HS3ST4: variants seen among roughly 807,000 people sequenced by gnomAD.
HS3ST4 encodes the protein heparan sulfate-glucosamine 3-sulfotransferase 4.
A neutral mutation model predicts 29.2 loss-of-function variants in HS3ST4; 17 were observed. The ratio of observed to expected loss-of-function variants is 0.58; its 90% CI spans 0.40 to 0.87. The LOEUF (loss-of-function observed/expected upper bound fraction) is 0.87. HS3ST4 is among the 40% of genes least tolerant of loss of function. The pLI is 0.00. For synonymous variants in HS3ST4, 314 were observed against 285.7 expected (o/e 1.10, Z -1.00); for missense variants, 627 against 634.5 (o/e 0.99, Z 0.13).
At chr16:26,073,411 G>C (rs894585665) in intron 1 of HS3ST4, among the ~76,000 whole-genome samples, 1 of 151,928 alleles carries the variant, frequency 6.6e-6, no homozygotes, top group Non-Finnish European at 1.5e-5. Context: ...GTCTCACTCT[G>C]TTACCCAGGC....
At chr16:25,933,959 A>G (rs964466023) in intron 1 of HS3ST4, among the ~76,000 whole-genome samples, 1 of 152,196 alleles carries the variant, frequency 6.6e-6, no homozygotes, top group Non-Finnish European at 1.5e-5. Flanking sequence ...GCATGTGAAC[A>G]TGAGATTTGG....
At chr16:25,856,729 G>A (rs1567256639) in intron 1 of HS3ST4, among the ~76,000 whole-genome samples, 1 of 152,316 alleles carries the variant, frequency 6.6e-6, no homozygotes, top group Non-Finnish European at 1.5e-5. Context: ...AAGCAGTCCT[G>A]AACCATGGGT....
At chr16:25,817,455 A>G (rs2141631590) in intron 1 of HS3ST4, among the ~76,000 whole-genome samples, 1 of 152,350 alleles carries the variant, frequency 6.6e-6, no homozygotes, top group East Asian at 1.9e-4. Context: ...AGCCATAGAT[A>G]ATATGTAAAT....
At chr16:26,103,850 G>A (rs1338924816) in intron 1 of HS3ST4, among the ~76,000 whole-genome samples, 1 of 152,110 alleles carries the variant, frequency 6.6e-6, no homozygotes, top group Non-Finnish European at 1.5e-5. Flanking sequence ...AAACCACTCA[G>A]AATCTTCAGA....
intron 1 of HS3ST4, among the ~76,000 whole-genome samples, chr16:26,072,597 T>C (rs1898614965): frequency 6.6e-6 from 1 of 152,228 alleles, no homozygotes; most frequent in Non-Finnish European, 1.5e-5. Context: ...GACAACTCTT[T>C]AGAAATATTT....
At chr16:25,970,291 G>A (rs1162805317) in intron 1 of HS3ST4, among the ~76,000 whole-genome samples, 1 of 152,116 alleles carries the variant, frequency 6.6e-6, no homozygotes, top group African/African-American at 2.4e-5. Flanking sequence ...ACTGTTGTGG[G>A]GATTAAACGT....
chr16:26,046,350 C>T (rs1410530085), intron 1 of HS3ST4, among the ~76,000 whole-genome samples: 1 of 151,960 alleles, frequency 6.6e-6, no homozygotes, highest in Non-Finnish European at 1.5e-5. Flanking sequence ...AGGTTTTTAC[C>T]ATGTTGGCCA....
chr16:26,064,555 G>A (rs1252399999), intron 1 of HS3ST4, among the ~76,000 whole-genome samples: 6 of 151,890 alleles, frequency 4.0e-5, no homozygotes, highest in African/African-American at 1.5e-4. Flanking sequence ...TAGATTTATG[G>A]TGTAGGCCAG....
rs115748334 is a variant in HS3ST4, at chr16:25,834,051, G to T, written c.734+140900G>T. On this transcript the variant is annotated intron_variant, in intron 1 of 1. Transcript: ENST00000331351. Reference sequence around the variant, plus strand: ...AAAAATGGCCAAGATTGGTTTTCGGGGTGCATGCGAAAATCAAAATGGGAA... The same window carrying T: ...AAAAATGGCCAAGATTGGTTTTCGGTGTGCATGCGAAAATCAAAATGGGAA... Among the ~76,000 whole-genome samples the T allele has an allele frequency of 3.3e-3, 498 of 152,198 alleles. 3 individuals carry two copies. Among genetic ancestry groups the T allele is most frequent in the African/African-American group, 0.011 (472 of 41,524 alleles).
intron 1 of HS3ST4, among the ~76,000 whole-genome samples, chr16:25,778,177 A>T (rs1326256557): frequency 6.6e-6 from 1 of 152,200 alleles, no homozygotes; most frequent in African/African-American, 2.4e-5. Flanking sequence ...TGGATAATAA[A>T]AAGTACTTCC....
intron 1 of HS3ST4, among the ~76,000 whole-genome samples, chr16:25,978,943 T>TTGTA: frequency 7.8e-4 from 1 of 1,276 alleles, no homozygotes; most frequent in African/African-American, 5.7e-3. Context: ...TCTCTTTTTG[T>TTGTA]TTTTTTTTTT....
At chr16:26,023,407 A>AT (rs144386022) in intron 1 of HS3ST4, among the ~76,000 whole-genome samples, 14,391 of 149,646 alleles carry the variant, frequency 0.096, 1,632 homozygotes, top group African/African-American at 0.26. Flanking sequence ...ACTGTCTTAA[A>AT]TTTTTTTTTT....
intron 1 of HS3ST4, among the ~76,000 whole-genome samples, chr16:25,900,582 C>A (rs1023189577): frequency 6.6e-6 from 1 of 152,028 alleles, no homozygotes; most frequent in East Asian, 1.9e-4. Context: ...GTTAGGAGTG[C>A]GGGTTAATGC....
At chr16:26,127,143 A>G (rs1301739878) in intron 1 of HS3ST4, among the ~76,000 whole-genome samples, 1 of 152,168 alleles carries the variant, frequency 6.6e-6, no homozygotes, top group Non-Finnish European at 1.5e-5. Context: ...TTGTTAATAT[A>G]TCATCCATCT....
intron 1 of HS3ST4, among the ~76,000 whole-genome samples, chr16:26,001,213 A>G (rs1029484702): frequency 3.9e-5 from 6 of 152,212 alleles, no homozygotes; most frequent in African/African-American, 1.4e-4. Context: ...CAAAGAGGAT[A>G]ACTACTGTGG....
intron 1 of HS3ST4, among the ~76,000 whole-genome samples, chr16:26,084,942 G>T (rs1306146188): frequency 2.6e-5 from 4 of 152,098 alleles, no homozygotes; most frequent in Non-Finnish European, 5.9e-5. Context: ...AGTTTCCTTT[G>T]TTCTTTATCC....
At chr16:25,700,184 G>C (rs1299942528) in intron 1 of HS3ST4, among the ~76,000 whole-genome samples, 2 of 152,184 alleles carry the variant, frequency 1.3e-5, no homozygotes, top group Non-Finnish European at 2.9e-5. Flanking sequence ...TGTAACTTGA[G>C]CTGAAGGAGG....
chr16:25,730,922 G>T (rs1294692985), intron 1 of HS3ST4, among the ~76,000 whole-genome samples: 1 of 152,076 alleles, frequency 6.6e-6, no homozygotes, highest in African/African-American at 2.4e-5. Flanking sequence ...TGCATTTATG[G>T]CTTATTACAG....
At position 26,135,878 on chromosome 16, in the gene HS3ST4, G is replaced by T; in HGVS notation, c.1001G>T (p.Gly334Val). 1 of 1,613,922 alleles carries T rather than the reference G, an allele frequency of 6.2e-7. No individual in the cohort carries two copies. The highest frequency in any genetic ancestry group is 8.5e-7 in the Non-Finnish European group (1 of 1,179,872). The change falls in exon 2 of 2, where the codon GGG becomes GTG. Residue 334 changes from glycine to valine, a missense_variant. By Grantham distance (109) the Gly-to-Val change is moderately radical. Coordinates refer to ENST00000331351, the MANE Select transcript of HS3ST4 (RefSeq NM_006040.3). ...IDASWSAIRI[G>V]IYALHLENWL... ...GCTTCCTGGAGTGCCATTCGAATAG[G>T]GATCTATGCGCTGCATCTGGAAAAC...
Sources: allele counts gnomAD v4.1 joint callset (sites outside exome capture counted in the v4.1 genomes callset), GRCh38; gene constraint gnomAD v4.1.1; transcripts MANE v1.5; gene names NCBI Gene and HGNC (gene_info 2026-07-23, HGNC 2026-07-21).